FSIP2: variants seen among roughly 807,000 people sequenced by gnomAD.
The protein encoded by FSIP2 is fibrous sheath interacting protein 2, also known as fibrous sheath-interacting protein 2.
FSIP2 carries 367 observed loss-of-function variants against 510.5 expected under a neutral mutation model. The observed-to-expected ratio is 0.72, with a 90% CI of 0.66 to 0.78. The LOEUF is 0.78. Ranked by LOEUF, FSIP2 falls within the 30% of genes least tolerant of loss-of-function variation. FSIP2 has a pLI of 0.00. For synonymous variants in FSIP2, 2,601 were observed against 2,732.2 expected (o/e 0.95, Z 1.50); for missense variants, 7,594 against 7,901.7 (o/e 0.96, Z 1.48).
Position 185,802,789 on chromosome 2 carries a change from A to C in FSIP2, c.13483A>C (p.Lys4495Gln). The C allele has an allele frequency of 6.6e-7, 1 of 1,521,260 alleles. No individual in the cohort carries two copies. Among genetic ancestry groups the C allele is most frequent in the Non-Finnish European group, 8.8e-7 (1 of 1,141,028 alleles). 94.2% of individuals were successfully genotyped at this position (1,521,260 alleles called of 1,614,324 possible). ...CCTGGTTCTAAACAGAGACACCCAAAAAGATATATCAAGAGTGAATTTCAA... is the reference window on the plus strand; with the variant it reads ...CCTGGTTCTAAACAGAGACACCCAACAAGATATATCAAGAGTGAATTTCAA... ...SSLVLNRDTQ[K>Q]DISRVNFNDI... Residue 4495 changes from lysine (K) to glutamine (Q), a missense_variant, in exon 17 of 23, where the codon AAA becomes CAA. Transcript: ENST00000424728.
intron 13 of FSIP2, among the ~76,000 whole-genome samples, chr2:185,775,905 C>G (rs940396964): frequency 3.3e-5 from 5 of 152,196 alleles, no homozygotes; most frequent in Non-Finnish European, 7.3e-5. Context: ...CTCAGGTGAT[C>G]CACCCACTTT....
intron 7 of FSIP2, among the ~76,000 whole-genome samples, chr2:185,750,207 GA>G (rs1692114720): frequency 6.6e-6 from 1 of 151,342 alleles, no homozygotes; most frequent in African/African-American, 2.4e-5. Context: ...TCAGATTTTT[GA>G]AAAAATTATT....
intron 19 of FSIP2, among the ~76,000 whole-genome samples, chr2:185,816,362 T>C (rs935084703): frequency 1.3e-5 from 2 of 151,912 alleles, no homozygotes; most frequent in Non-Finnish European, 2.9e-5. Flanking sequence ...TTGGTTATAT[T>C]AGTGAAGTAA....
In FSIP2 at chr2:185,743,894, G is replaced by C. The variant is rs561404361; in HGVS notation, c.388-428G>C. Reference sequence around the variant, plus strand: ...TTGTTGCCTACACAGGAGTGCAATGGCGCAATCATGGCTCACTGCAGCCTG... The same window carrying C: ...TTGTTGCCTACACAGGAGTGCAATGCCGCAATCATGGCTCACTGCAGCCTG... On this transcript the variant is annotated intron_variant, in intron 3 of 22. Coordinates refer to ENST00000424728, the MANE Select transcript of FSIP2 (RefSeq NM_173651.4). 2.6e-5 allele frequency among the ~76,000 whole-genome samples: 4 copies of C among 152,246 alleles called. No homozygotes were observed. In the East Asian group the frequency reaches 7.7e-4, roughly 29 times the overall value.
chr2:185,783,570 G>C (rs2105598392), intron 14 of FSIP2: 1 of 152,180 alleles, frequency 6.6e-6, no homozygotes, highest in Non-Finnish European at 1.5e-5. Context: ...TTTACTTTAA[G>C]ACTGATAAAT....
At position 185,804,964 on chromosome 2, in the gene FSIP2, C is replaced by T. The variant is rs1361925148; in HGVS notation, c.15658C>T (p.Leu5220Phe). Residue 5220 changes from leucine (L) to phenylalanine (F), a missense_variant, in exon 17 of 23, where the codon CTC becomes TTC. Leu to Phe is a conservative substitution (Grantham distance 22). Transcript: ENST00000424728. ...TGCAGACAAAAAAGGATGCTCATTCCTCAGTAAATTAGCTGGTTTTATTAT... is the reference window on the plus strand; with the variant it reads ...TGCAGACAAAAAAGGATGCTCATTCTTCAGTAAATTAGCTGGTTTTATTAT... ...KDADKKGCSF[L>F]SKLAGFIMKE... 5.2e-6 allele frequency: 8 copies of T among 1,540,150 alleles called. No individual in the cohort carries two copies. The African/African-American group carries it at 1.1e-4, about 21-fold the overall frequency.
chr2:185,815,197 T>C (rs1292226221), intron 18 of FSIP2, among the ~76,000 whole-genome samples, 174 bp from the exon 19 acceptor site: 3 of 152,068 alleles, frequency 2.0e-5, no homozygotes, highest in Non-Finnish European at 4.4e-5. Flanking sequence ...TATTTCAAGT[T>C]AATTATATTG....
intron 19 of FSIP2, among the ~76,000 whole-genome samples, chr2:185,816,863 G>T (rs1320912083): frequency 6.7e-6 from 1 of 150,214 alleles, no homozygotes; most frequent in Non-Finnish European, 1.5e-5. Flanking sequence ...GACAGAGAGA[G>T]AGAGAGAGAG....
chr2:185,763,477 T>G (rs1023243440), intron 12 of FSIP2, among the ~76,000 whole-genome samples, 188 bp downstream of exon 12: 3 of 151,588 alleles, frequency 2.0e-5, no homozygotes, highest in Non-Finnish European at 4.4e-5. Context: ...CTACAAGATG[T>G]TAGTTCATGG....
chr2:185,752,195 T>C (rs972100566), intron 7 of FSIP2, among the ~76,000 whole-genome samples: 13 of 151,152 alleles, frequency 8.6e-5, no homozygotes, highest in Non-Finnish European at 1.5e-4. Context: ...TAACATCAAC[T>C]GGGTGTAGAA....
At chr2:185,739,287 C>G in intron 1 of FSIP2, 59 bp from the exon 2 acceptor site, 2 of 1,459,338 alleles carry the variant, frequency 1.4e-6, no homozygotes, top group Middle Eastern at 1.8e-4. Flanking sequence ...GTAGATTGGT[C>G]TAAACTAAAC....
At chr2:185,818,968 T>C (rs1247970990) in intron 19 of FSIP2, among the ~76,000 whole-genome samples, 1 of 151,960 alleles carries the variant, frequency 6.6e-6, no homozygotes, top group Non-Finnish European at 1.5e-5. Context: ...ATCCACTTTT[T>C]ATTTTCTAAA....
In FSIP2 at chr2:185,800,338, TG is replaced by T. The variant is rs1693403934; in HGVS notation, c.11033del (p.Cys3678LeufsTer3). ...FQKNKLSYLA[C>X]KLNSLVGNLK... is the part of the protein sequence containing the mutation. ...AAAAAATAAGTTAAGTTATCTTGCATGTAAGTTAAACAGCCTGGTTGGTAAC... is the reference window on the plus strand; with the variant it reads ...AAAAAATAAGTTAAGTTATCTTGCATTAAGTTAAACAGCCTGGTTGGTAAC... On this transcript the variant is annotated frameshift_variant, in exon 17 of 23. Transcript: ENST00000424728. LOFTEE classifies it high-confidence loss of function. The T allele has an allele frequency of 6.5e-7, 1 of 1,532,750 alleles. No homozygotes were observed. The highest frequency in any genetic ancestry group is 2.0e-5 in the Admixed American group (1 of 50,634). The allele number at this position is 1,532,750 out of a possible 1,614,324, so 94.9% of individuals were successfully genotyped here.
intron 5 of FSIP2, among the ~76,000 whole-genome samples, chr2:185,746,333 C>T (rs890421472): frequency 6.6e-6 from 1 of 151,928 alleles, no homozygotes; most frequent in African/African-American, 2.4e-5. Context: ...GTTATTTCAG[C>T]CTTTTTTGCA....
At position 185,795,974 on chromosome 2, in the gene FSIP2, A is replaced by C. The variant is rs1355537885; in HGVS notation, c.8838A>C (p.Ser2946=). 1.3e-6 allele frequency: 2 copies of C among 1,534,878 alleles called. No individual in the cohort carries two copies. Among genetic ancestry groups the C allele is most frequent in the South Asian group, 2.4e-5 (2 of 83,994 alleles). The change falls in exon 16 of 23, where the codon TCA becomes TCC. Residue 2946 remains serine (S), a synonymous_variant. Coordinates refer to ENST00000424728, the MANE Select transcript of FSIP2 (RefSeq NM_173651.4). ...IPTPDSEETL[S]NSKEHITAKS... ...CTCCAGATAGTGAAGAAACTCTATC[A>C]AACAGTAAAGAACACATTACTGCTA...
chr2:185,790,804 G>T lies in FSIP2; in HGVS notation c.3668G>T (p.Trp1223Leu). The T allele has an allele frequency of 6.5e-7, 1 of 1,532,602 alleles. No individual in the cohort carries two copies. The highest frequency in any genetic ancestry group is 1.2e-5 in the South Asian group (1 of 83,592). The allele number at this position is 1,532,602 out of a possible 1,614,324, so 94.9% of individuals were successfully genotyped here. A position where few individuals can be genotyped will look rare whatever the true frequency, so the allele number is the denominator to read the frequency against. Reference protein sequence around the residue: ...EAPNKYPLKTWFDSEKKMKYL... With the variant: ...EAPNKYPLKTLFDSEKKMKYL... The stretch of plus-strand genomic sequence containing the variant: ...CCAAATAAATACCCATTAAAAACAT[G>T]GTTTGACAGTGAAAAGAAAATGAAA... Residue 1223 changes from tryptophan (W) to leucine (L), a missense_variant, in exon 16 of 23, where the codon TGG becomes TTG. Transcript: ENST00000424728.
Position 185,797,167 on chromosome 2 carries a change from C to T in FSIP2, c.10031C>T (p.Pro3344Leu), listed in dbSNP as rs1474974318. 6.5e-7 allele frequency: 1 copy of T among 1,534,818 alleles called. No individual in the cohort carries two copies. The highest frequency in any genetic ancestry group is 2.0e-5 in the Admixed American group (1 of 50,886). ...VNTVLSSCGF[P>L]SQPHTNENRE... is the part of the protein sequence containing the mutation. ...ACTGTGCTATCCAGCTGTGGCTTTC[C>T]AAGTCAACCACACACTAATGAGAAC... Residue 3344 changes from proline to leucine, a missense_variant, in exon 16 of 23, where the codon CCA becomes CTA. Transcript: ENST00000424728.
At chr2:185,816,592 C>T (rs921749512) in intron 19 of FSIP2, among the ~76,000 whole-genome samples, 9 of 151,820 alleles carry the variant, frequency 5.9e-5, no homozygotes, top group African/African-American at 1.9e-4. Context: ...AATCCCACCA[C>T]TTTGGGAGGC....
In FSIP2 at chr2:185,795,084, G is replaced by A. The variant is rs1490841934; in HGVS notation, c.7948G>A (p.Val2650Met). ...AAATTTTGTCTCACTTCCTTTAAAG[G>A]TGAGCCCTAAGGACAACCCTAAGCC... ...ITNFVSLPLK[V>M]SPKDNPKPCF... Residue 2650 changes from valine to methionine, a missense_variant, in exon 16 of 23, where the codon GTG (valine) becomes ATG (methionine). Val to Met is a conservative substitution (Grantham distance 21). Coordinates refer to ENST00000424728, the MANE Select transcript of FSIP2 (RefSeq NM_173651.4). 6.5e-7 allele frequency: 1 copy of A among 1,534,726 alleles called. No homozygotes were observed. The highest frequency in any genetic ancestry group is 8.7e-7 in the Non-Finnish European group (1 of 1,146,038).
Sources: allele counts gnomAD v4.1 joint callset (sites outside exome capture counted in the v4.1 genomes callset), GRCh38; gene constraint gnomAD v4.1.1; transcripts MANE v1.5; gene names NCBI Gene and HGNC (gene_info 2026-07-23, HGNC 2026-07-21).